The following POC1B variants were observed in gnomAD, a reference collection of about 807,000 sequenced individuals.
The protein encoded by POC1B is POC1 centriolar protein homolog B.
POC1B carries 44 observed loss-of-function variants against 60.6 expected under a neutral mutation model. The ratio of observed to expected loss-of-function variants is 0.73; its 90% CI spans 0.57 to 0.93. The LOEUF (loss-of-function observed/expected upper bound fraction) is 0.93, where lower values mean the gene tolerates loss of function less well. Ranked by LOEUF, POC1B falls within the 40% of genes least tolerant of loss-of-function variation. The probability of loss-of-function intolerance (pLI) is 0.00; values close to 1 mark genes in which losing one functional copy is unlikely to be tolerated. For synonymous variants in POC1B, 180 were observed against 198.9 expected, an observed-to-expected ratio of 0.90 and a Z score of 0.80; for missense variants, 555 against 572.3, an observed-to-expected ratio of 0.97 and a Z score of 0.31.
In POC1B at chr12:89,497,249, C is replaced by T; in HGVS notation, c.194G>A (p.Ser65Asn). 1 of 1,613,704 alleles carries T rather than the reference C, an allele frequency of 6.2e-7. No homozygotes were observed. Among genetic ancestry groups the T allele is most frequent in the East Asian group, 2.2e-5 (1 of 44,886 alleles). Reference sequence around the variant, plus strand: ...GTTTCCATGTGGAGAAAACTGCACGCTGGTTACAACATCCTTGTGACCCAC... The same window carrying T: ...GTTTCCATGTGGAGAAAACTGCACGTTGGTTACAACATCCTTGTGACCCAC... ...RYVGHKDVVT[S>N]VQFSPHGNLL... Residue 65 changes from serine (S) to asparagine (N), a missense_variant, in exon 3 of 12, where the codon AGC (serine) becomes AAC (asparagine). By Grantham distance (46) the Ser-to-Asn change is conservative (BLOSUM62 1). Transcript: ENST00000313546.
intron 10 of POC1B, among the ~76,000 whole-genome samples, chr12:89,434,037 T>C (rs955233024): frequency 6.6e-6 from 1 of 152,254 alleles, no homozygotes; most frequent in Non-Finnish European, 1.5e-5. Flanking sequence ...CAGTGGATTA[T>C]GTATCCTTGT....
chr12:89,503,167 C>T (rs1326476598), intron 2 of POC1B, among the ~76,000 whole-genome samples: 1 of 152,152 alleles, frequency 6.6e-6, no homozygotes, highest in Non-Finnish European at 1.5e-5. Context: ...GATGCCCAGC[C>T]GAAGCTGGAC....
At chr12:89,417,719 A>G (rs887929995), downstream of POC1B, among the ~76,000 whole-genome samples, 5 of 152,216 alleles carry the variant, frequency 3.3e-5, no homozygotes, top group Non-Finnish European at 5.9e-5. Context: ...GTTGAGCCAT[A>G]CTCACTAAGA....
the POC1B span, among the ~76,000 whole-genome samples, chr12:89,404,454 G>C: frequency 6.6e-6 from 1 of 152,200 alleles, no homozygotes; most frequent in Non-Finnish European, 1.5e-5. Flanking sequence ...CAATTAGACA[G>C]TAACATTAAC....
At chr12:89,432,166 C>T (rs1320184029) in intron 10 of POC1B, among the ~76,000 whole-genome samples, 1 of 151,840 alleles carries the variant, frequency 6.6e-6, no homozygotes. Context: ...GGCGGATTGC[C>T]TGAGCTCAAG....
At chr12:89,505,813 T>C (rs564316787) in intron 2 of POC1B, among the ~76,000 whole-genome samples, 1 of 152,318 alleles carries the variant, frequency 6.6e-6, no homozygotes, top group African/African-American at 2.4e-5. Context: ...ACAGATCTAT[T>C]AGGAGGCTAC....
intron 3 of POC1B, among the ~76,000 whole-genome samples, chr12:89,496,060 C>A (rs1869229812): frequency 6.6e-6 from 1 of 151,996 alleles, no homozygotes; most frequent in Non-Finnish European, 1.5e-5. Context: ...TGTGCCCAGC[C>A]CTATTTCTAT....
intron 2 of POC1B, chr12:89,522,563 G>T: frequency 2.6e-6 from 1 of 378,710 alleles, no homozygotes; most frequent in Non-Finnish European, 4.6e-6. Context: ...CTTCTTTTAA[G>T]AAGAGACCAT....
At chr12:89,523,535 G>C in intron 2 of POC1B, 7 of 1,603,780 alleles carry the variant, frequency 4.4e-6, no homozygotes, top group Non-Finnish European at 6.0e-6. Flanking sequence ...GACAGCTCAA[G>C]GTTTTCACCT....
At chr12:89,416,541 T>A (rs917405709), downstream of POC1B, among the ~76,000 whole-genome samples, 20 of 152,146 alleles carry the variant, frequency 1.3e-4, no homozygotes, top group African/African-American at 4.8e-4. Context: ...TAGAACACTA[T>A]GTGAAAGACT....
chr12:89,499,795 C>T (rs1565751156), intron 2 of POC1B, among the ~76,000 whole-genome samples: 1 of 152,188 alleles, frequency 6.6e-6, no homozygotes, highest in African/African-American at 2.4e-5. Flanking sequence ...AAATGTGGTA[C>T]GTAAAACAAT....
At chr12:89,477,767 C>T (rs762570376) in intron 4 of POC1B, among the ~76,000 whole-genome samples, 5 of 152,070 alleles carry the variant, frequency 3.3e-5, no homozygotes, top group Non-Finnish European at 7.4e-5. Context: ...TTAAAACCTT[C>T]GGTGGTTTCA....
At chr12:89,422,128 A>G (rs73432804) in intron 11 of POC1B, among the ~76,000 whole-genome samples, 1,874 of 152,154 alleles carry the variant, frequency 0.012, 58 homozygotes, top group African/African-American at 0.043. Flanking sequence ...ATGGATTCTT[A>G]TAAGAAATAC....
At chr12:89,483,591 T>G (rs1868469045) in intron 4 of POC1B, among the ~76,000 whole-genome samples, 1 of 152,172 alleles carries the variant, frequency 6.6e-6, no homozygotes, top group Non-Finnish European at 1.5e-5. Flanking sequence ...CAAGGCCCCA[T>G]CTTTTAATAC....
At chr12:89,430,532 G>A (rs17016868) in intron 10 of POC1B, among the ~76,000 whole-genome samples, 6,573 of 152,082 alleles carry the variant, frequency 0.043, 157 homozygotes, top group Non-Finnish European at 0.049. Flanking sequence ...GCTCAACTAC[G>A]TGCGAAAGTT....
intron 2 of POC1B, among the ~76,000 whole-genome samples, chr12:89,506,236 G>C (rs1329478681): frequency 6.6e-6 from 1 of 152,218 alleles, no homozygotes; most frequent in Non-Finnish European, 1.5e-5. Context: ...GTCACTTACT[G>C]CTGTGTGCCC....
At chr12:89,463,527 C>G (rs1882557224) in intron 9 of POC1B, among the ~76,000 whole-genome samples, 1 of 152,100 alleles carries the variant, frequency 6.6e-6, no homozygotes, top group East Asian at 1.9e-4. Flanking sequence ...TCAGCATGAA[C>G]TAGTGATGTG....
At chr12:89,498,194 T>C (rs1253901757) in intron 2 of POC1B, among the ~76,000 whole-genome samples, 1 of 152,220 alleles carries the variant, frequency 6.6e-6, no homozygotes, top group Non-Finnish European at 1.5e-5. Context: ...TTCTGCTCTA[T>C]AATTTAATGG....
rs556480699 is a variant in POC1B at position 89,464,077 on chromosome 12, T to C, written c.1032+2693A>G. Among the ~76,000 whole-genome samples, 206 of 152,216 alleles carry C rather than the reference T, an allele frequency of 1.4e-3. 1 individual carries two copies. Among genetic ancestry groups the C allele is most frequent in the African/African-American group, 4.6e-3 (192 of 41,526 alleles). On this transcript the variant is annotated intron_variant, in intron 9 of 11. Transcript: ENST00000313546. The stretch of plus-strand genomic sequence containing the variant: ...GTCACTGCAAACAGAGAAAGAAAAA[T>C]TCATCAGTTCACTTAGATACCATTT...
Sources: allele counts gnomAD v4.1 joint callset (sites outside exome capture counted in the v4.1 genomes callset), GRCh38; gene constraint gnomAD v4.1.1; transcripts MANE v1.5; gene names NCBI Gene and HGNC (gene_info 2026-07-23, HGNC 2026-07-21).